SS18L1: variants seen among roughly 807,000 people sequenced by gnomAD.
The protein encoded by SS18L1 is calcium-responsive transactivator.
A neutral mutation model predicts 70.3 loss-of-function variants in SS18L1; 32 were observed. The ratio of observed to expected loss-of-function variants is 0.46; its 90% CI spans 0.34 to 0.61. The LOEUF (loss-of-function observed/expected upper bound fraction) is 0.61. SS18L1 is among the 20% of genes least tolerant of loss of function. The pLI, the probability that SS18L1 is intolerant of heterozygous loss-of-function variation, is 0.01. For missense variants in SS18L1, 430 were observed against 542.1 expected (o/e 0.79, Z 2.05); for synonymous variants, 237 against 229.7 (o/e 1.03, Z -0.29).
intron 5 of SS18L1, among the ~76,000 whole-genome samples, chr20:62,163,158 G>C (rs552210217): frequency 2.0e-5 from 3 of 152,170 alleles, no homozygotes; most frequent in African/African-American, 7.2e-5. Context: ...GAGGGGCTGG[G>C]GTGTTTCCCA....
Position 62,180,667 on chromosome 20 carries a change from G to A in SS18L1, c.*1459G>A, listed in dbSNP as rs185808674. On this transcript the variant is annotated 3_prime_UTR_variant, in exon 11 of 11. Coordinates refer to ENST00000331758, the MANE Select transcript of SS18L1 (RefSeq NM_198935.3). ...TCCCAGCACTTTGGGAGGCCGAAGC[G>A]GGCGGATCACCTGAGGTCGGGAGTT... 7.5e-4 allele frequency: 122 copies of A among 162,470 alleles called. 5 individuals are homozygous for A. In the South Asian group the frequency reaches 0.024, roughly 31 times the overall value. 10.1% of individuals were successfully genotyped at this position (162,470 alleles called of 1,614,324 possible).
In SS18L1 at chr20:62,159,816, G is replaced by C; in HGVS notation, c.147-61G>C. 1 of 1,531,146 alleles carries C rather than the reference G, an allele frequency of 6.5e-7. No homozygotes were observed. The highest frequency in any genetic ancestry group is 8.9e-7 in the Non-Finnish European group (1 of 1,121,022). The allele number at this position is 1,531,146 out of a possible 1,614,324, so 94.8% of individuals were successfully genotyped here. A position where few individuals can be genotyped will look rare whatever the true frequency, so the allele number is the denominator to read the frequency against. ...TTGTTCACACTTTACTTCTGCCTTG[G>C]ATCCACGTGGGGACTCTGTGGTCCC... is the stretch of plus-strand genomic sequence containing the variant. On this transcript the variant is annotated intron_variant, in intron 2 of 10. Transcript: ENST00000331758. The surrounding 1 kb of genome is among the most constrained non-coding windows in gnomAD (Gnocchi z 4.4).
chr20:62,145,176 C>T (rs1259053958), intron 1 of SS18L1, among the ~76,000 whole-genome samples: 7 of 152,218 alleles, frequency 4.6e-5, no homozygotes, highest in Admixed American at 4.6e-4. Flanking sequence ...TGGCGCTTAC[C>T]GTATCCCAGA....
chr20:62,155,666 C>T (rs1360233069), intron 1 of SS18L1, among the ~76,000 whole-genome samples: 5 of 152,142 alleles, frequency 3.3e-5, no homozygotes, highest in African/African-American at 4.8e-5. Flanking sequence ...CCTGGAGACG[C>T]CCCCTCCTCC....
chr20:62,166,933 AT>A lies in SS18L1; in HGVS notation c.916+1420del, dbSNP rs141620482. 4.6e-5 allele frequency among the ~76,000 whole-genome samples: 7 copies of A among 151,716 alleles called. No individual in the cohort carries two copies. In the East Asian group the frequency reaches 9.8e-4, roughly 21 times the overall value. ...AGAGTGAAACTTTGTCTCAAAAAAAATAAAAAGAAATAAAAAAAAGAAATGG... is the reference window on the plus strand; with the variant it reads ...AGAGTGAAACTTTGTCTCAAAAAAAAAAAAAGAAATAAAAAAAAGAAATGG... On this transcript the variant is annotated intron_variant, in intron 8 of 10. Coordinates refer to ENST00000331758, the MANE Select transcript of SS18L1 (RefSeq NM_198935.3).
At chr20:62,145,590 A>G (rs3761223) in intron 1 of SS18L1, among the ~76,000 whole-genome samples, 99,408 of 152,150 alleles carry the variant, frequency 0.65, 36,130 homozygotes, top group Non-Finnish European at 0.81. Flanking sequence ...AAGCTCCCCA[A>G]ATTCTCCAGG....
rs1471031064 is a variant in SS18L1, at chr20:62,159,959, G to C, written c.229G>C (p.Ala77Pro). The part of the protein sequence containing the change: ...SNQNMQSLLP[A>P]PPTQNMNLGP... ...CCAGAACATGCAGTCCCTGCTTCCT[G>C]CCGTGAGTACCCACGGGGGGTTGGC... Residue 77 changes from alanine to proline, a missense_variant and splice_region_variant, in exon 3 of 11, where the codon GCC becomes CCC. Physicochemically the swap from Ala to Pro is conservative, Grantham distance 27. Transcript: ENST00000331758. The surrounding 1 kb of genome is among the most constrained non-coding windows in gnomAD (Gnocchi z 4.4). The C allele has an allele frequency of 6.2e-7, 1 of 1,611,020 alleles. No individual in the cohort carries two copies. The highest frequency in any genetic ancestry group is 2.2e-5 in the East Asian group (1 of 44,786).
chr20:62,179,845 A>G lies in SS18L1; in HGVS notation c.*637A>G, dbSNP rs116239748. ...CTTGCCCATTGCCTGTCTCTCGCCA[A>G]TTCCGTTTATCCAAAAAGGTACATG... On this transcript the variant is annotated 3_prime_UTR_variant, in exon 11 of 11. Coordinates refer to ENST00000331758, the MANE Select transcript of SS18L1 (RefSeq NM_198935.3). 2.8e-3 allele frequency: 633 copies of G among 227,552 alleles called. 1 individual carries two copies. The highest frequency in any genetic ancestry group is 0.013 in the African/African-American group (602 of 45,118). 14.1% of individuals were successfully genotyped at this position (227,552 alleles called of 1,614,324 possible). A position where few individuals can be genotyped will look rare whatever the true frequency, so the allele number is the denominator to read the frequency against.
intron 8 of SS18L1, among the ~76,000 whole-genome samples, chr20:62,167,603 T>C (rs1267248264): frequency 6.6e-6 from 1 of 152,112 alleles, no homozygotes; most frequent in East Asian, 1.9e-4. Flanking sequence ...GGCTATCTTC[T>C]GGCATATTGG....
chr20:62,164,337 T>C lies in SS18L1; in HGVS notation c.823+91T>C, dbSNP rs889485919. 3.8e-5 allele frequency: 48 copies of C among 1,266,748 alleles called. No homozygotes were observed. The Admixed American group carries it at 1.0e-3, about 27-fold the overall frequency. The allele number at this position is 1,266,748 out of a possible 1,614,324, so 78.5% of individuals were successfully genotyped here. A position where few individuals can be genotyped will look rare whatever the true frequency, so the allele number is the denominator to read the frequency against. ...AGGAGGGCAAGGAGGGTGTGGCCAC[T>C]GCAGTGTGTCCTCAGTCATTCCAGC... On this transcript the variant is annotated intron_variant, in intron 7 of 10. Transcript: ENST00000331758.
At chr20:62,145,711 G>A (rs993073153) in intron 1 of SS18L1, among the ~76,000 whole-genome samples, 1 of 152,190 alleles carries the variant, frequency 6.6e-6, no homozygotes, top group Non-Finnish European at 1.5e-5. Context: ...ATTGGAAATA[G>A]GCCTTCAGTT....
chr20:62,154,412 C>T, intron 1 of SS18L1: 5 of 1,045,198 alleles, frequency 4.8e-6, no homozygotes, highest in Non-Finnish European at 5.8e-6. Flanking sequence ...ACTAGAATTT[C>T]TACGCAGAAG....
In SS18L1 at chr20:62,163,400, TGGGA is replaced by T. The variant is rs942110621; in HGVS notation, c.557-50_557-47del. 2.8e-6 allele frequency: 4 copies of T among 1,429,800 alleles called. No homozygotes were observed. In the Admixed American group the frequency reaches 5.6e-5, roughly 20 times the overall value. The allele number at this position is 1,429,800 out of a possible 1,614,324, so 88.6% of individuals were successfully genotyped here. On this transcript the variant is annotated intron_variant, in intron 5 of 10. Transcript: ENST00000331758. ...CCCGGGCGCAGGAGGTAGTTGGGTG[TGGGA>T]GGGAGGGCGGGAGGCTTCCCGGGGT...
Position 62,159,431 on chromosome 20 carries a change from A to G in SS18L1, c.147-446A>G, listed in dbSNP as rs1392702586. On this transcript the variant is annotated intron_variant, in intron 2 of 10. Coordinates refer to ENST00000331758, the MANE Select transcript of SS18L1 (RefSeq NM_198935.3). This position sits in a 1 kb window ranked among gnomAD's most constrained non-coding sequence, Gnocchi z 4.4. ...AGGTATACGAGGGGCCTTCCCTGGCAGAACTGTGCTTCCCCATTTCTTTCC... is the reference window on the plus strand; with the variant it reads ...AGGTATACGAGGGGCCTTCCCTGGCGGAACTGTGCTTCCCCATTTCTTTCC... 1.3e-5 allele frequency among the ~76,000 whole-genome samples: 2 copies of G among 152,146 alleles called. No homozygotes were observed. The highest frequency in any genetic ancestry group is 2.9e-5 in the Non-Finnish European group (2 of 68,012).
At chr20:62,175,005 A>G (rs2057596482) in intron 10 of SS18L1, 1 of 845,336 alleles carries the variant, frequency 1.2e-6, no homozygotes, top group Non-Finnish European at 1.4e-6. Context: ...ATGTCTCGCT[A>G]CAGAGACATA....
intron 1 of SS18L1, among the ~76,000 whole-genome samples, chr20:62,154,942 C>T (rs1198910928): frequency 1.3e-5 from 2 of 152,160 alleles, no homozygotes; most frequent in Non-Finnish European, 2.9e-5. Context: ...ATATCCCGCC[C>T]CTCTGTTGAA....
In SS18L1 at chr20:62,158,628, CG is replaced by C; in HGVS notation, c.70-43del. The stretch of plus-strand genomic sequence containing the variant: ...GATGGCTGTTCATCCCGAGGGTCAG[CG>C]ACAGCCCCGCGTCGGCAGCGCCCGC... On this transcript the variant is annotated intron_variant, in intron 1 of 10. Coordinates refer to ENST00000331758, the MANE Select transcript of SS18L1 (RefSeq NM_198935.3). This position sits in a 1 kb window ranked among gnomAD's most constrained non-coding sequence, Gnocchi z 4.5. 6.2e-7 allele frequency: 1 copy of C among 1,602,558 alleles called. No individual in the cohort carries two copies. Among genetic ancestry groups the C allele is most frequent in the South Asian group, 1.1e-5 (1 of 90,452 alleles).
At position 62,182,078 on chromosome 20, in the gene SS18L1, G is replaced by GC. The variant is rs2057719614; in HGVS notation, c.*2872dup. 4.4e-6 allele frequency: 1 copy of GC among 229,236 alleles called. No homozygotes were observed. Among genetic ancestry groups the GC allele is most frequent in the African/African-American group, 2.2e-5 (1 of 45,136 alleles). 14.2% of individuals were successfully genotyped at this position (229,236 alleles called of 1,614,324 possible). The stretch of plus-strand genomic sequence containing the variant: ...ATTAAAACAGTACATCAGAACTCAT[G>GC]CCAACAGTCTTTATGATGGGATTAA... On this transcript the variant is annotated 3_prime_UTR_variant, in exon 11 of 11. Transcript: ENST00000331758.
At position 62,174,670 on chromosome 20, in the gene SS18L1, G is replaced by A. The variant is rs923979188; in HGVS notation, c.1164+26G>A. 3.1e-6 allele frequency: 5 copies of A among 1,613,112 alleles called. No homozygotes were observed. Among genetic ancestry groups the A allele is most frequent in the Non-Finnish European group, 4.2e-6 (5 of 1,180,014 alleles). On this transcript the variant is annotated intron_variant, in intron 10 of 10. Transcript: ENST00000331758. This position sits in a 1 kb window ranked among gnomAD's most constrained non-coding sequence, Gnocchi z 4.1. ...GCAAGCTTTCTGGATGTTTCCAGATGTGCCCATCCGCCGCGCCTGTCGAGA... is the reference window on the plus strand; with the variant it reads ...GCAAGCTTTCTGGATGTTTCCAGATATGCCCATCCGCCGCGCCTGTCGAGA...
Sources: gnomAD v4.1 joint callset for allele counts (sites outside exome capture counted in the v4.1 genomes callset) on GRCh38, gnomAD v4.1.1 for gene constraint, Gnocchi (gnomAD v3.1) non-coding constraint, MANE v1.5 for transcripts, NCBI Gene and HGNC (gene_info 2026-07-23, HGNC 2026-07-21) for gene names.